Variants in PHACTR1 observed in about 807,000 individuals in gnomAD.
PHACTR1 encodes the protein RPEL repeat containing 1.
PHACTR1 carries 16 observed loss-of-function variants against 69.2 expected under a neutral mutation model. The ratio of observed to expected loss-of-function variants is 0.23; its 90% CI spans 0.16 to 0.35. PHACTR1 has a LOEUF of 0.35. Among genes scored for constraint, PHACTR1 ranks in the 10% least tolerant of loss-of-function variants. The pLI is 1.00. For synonymous variants in PHACTR1, 312 were observed against 284.5 expected, an observed-to-expected ratio of 1.10 and a Z score of -0.97; for missense variants, 510 against 734.7, an observed-to-expected ratio of 0.69 and a Z score of 3.54.
At chr6:12,898,914 C>T (rs1294702587) in intron 4 of PHACTR1, among the ~76,000 whole-genome samples, 1 of 152,210 alleles carries the variant, frequency 6.6e-6, no homozygotes, top group Admixed American at 6.5e-5. Flanking sequence ...ACTTGCCTCG[C>T]TGTATCTCAC....
At chr6:13,002,473 C>T (rs753082748) in intron 4 of PHACTR1, among the ~76,000 whole-genome samples, 1 of 152,100 alleles carries the variant, frequency 6.6e-6, no homozygotes, top group Non-Finnish European at 1.5e-5. Flanking sequence ...CTATGATTAT[C>T]ATGTGTCTTC....
At chr6:13,118,692 T>C (rs900047828) in intron 5 of PHACTR1, among the ~76,000 whole-genome samples, 5 of 152,134 alleles carry the variant, frequency 3.3e-5, no homozygotes, top group African/African-American at 1.2e-4. Flanking sequence ...TTGTCCAGGT[T>C]GATCTCAAAC....
At chr6:12,824,870 G>T (rs1035522776) in intron 4 of PHACTR1, among the ~76,000 whole-genome samples, 2 of 152,156 alleles carry the variant, frequency 1.3e-5, no homozygotes, top group Admixed American at 6.5e-5. Flanking sequence ...TCTGAAAGGG[G>T]CTCTATCCTG....
At chr6:12,805,765 T>C (rs1231556521) in intron 4 of PHACTR1, among the ~76,000 whole-genome samples, 5 of 152,126 alleles carry the variant, frequency 3.3e-5, no homozygotes, top group Non-Finnish European at 7.4e-5. Flanking sequence ...CACTCCTAAC[T>C]AATTTTTGTA....
At chr6:13,227,744 A>T in intron 8 of PHACTR1, 72 bp from the exon 9 acceptor site, 3 of 1,548,164 alleles carry the variant, frequency 1.9e-6, no homozygotes, top group Non-Finnish European at 2.6e-6. Context: ...CTGAGTTTTA[A>T]AATGGTTTTG....
At chr6:13,073,020 G>A (rs573600264) in intron 5 of PHACTR1, among the ~76,000 whole-genome samples, 15 of 152,130 alleles carry the variant, frequency 9.9e-5, no homozygotes, top group African/African-American at 2.2e-4. Context: ...GACTGATTTC[G>A]TCTTTTGTAG....
chr6:12,803,444 G>A (rs1314423079), intron 4 of PHACTR1, among the ~76,000 whole-genome samples: 2 of 152,000 alleles, frequency 1.3e-5, no homozygotes, highest in Admixed American at 1.3e-4. Flanking sequence ...CAGCAGATTG[G>A]GCCTCCCGAA....
chr6:12,996,414 G>A (rs1014240324), intron 4 of PHACTR1, among the ~76,000 whole-genome samples: 3 of 152,054 alleles, frequency 2.0e-5, no homozygotes, highest in Non-Finnish European at 4.4e-5. Context: ...AATAACTGAA[G>A]GAAATATTAT....
chr6:13,204,687 ACACTTGAGTGGGCC>A (rs1765658630), intron 7 of PHACTR1, among the ~76,000 whole-genome samples: 1 of 152,114 alleles, frequency 6.6e-6, no homozygotes, highest in African/African-American at 2.4e-5. Context: ...TCAGTAGCCC[ACACTTGAGTGGGCC>A]CACCAGTCCA....
Position 13,266,295 on chromosome 6 carries a change from A to G in PHACTR1, c.1392-6565A>G, listed in dbSNP as rs1776693219. On this transcript the variant is annotated intron_variant, in intron 10 of 14. Transcript: ENST00000332995. Reference sequence around the variant, plus strand: ...CCACCATTTCTTACCAGGTGTGCCAAGCCTCCCAAAGCCTCTGCTCGGGTT... The same window carrying G: ...CCACCATTTCTTACCAGGTGTGCCAGGCCTCCCAAAGCCTCTGCTCGGGTT... 2.0e-5 allele frequency among the ~76,000 whole-genome samples: 3 copies of G among 152,220 alleles called. No individual in the cohort carries two copies. The South Asian group carries it at 6.2e-4, about 32-fold the overall frequency.
intron 5 of PHACTR1, among the ~76,000 whole-genome samples, chr6:13,114,690 G>A (rs1462824789): frequency 1.3e-5 from 2 of 152,130 alleles, no homozygotes; most frequent in East Asian, 3.9e-4. Context: ...GTCACTACTT[G>A]TAGGGGATGT....
chr6:12,942,753 G>A (rs943596289), intron 4 of PHACTR1, among the ~76,000 whole-genome samples: 1 of 152,184 alleles, frequency 6.6e-6, no homozygotes, highest in Non-Finnish European at 1.5e-5. Flanking sequence ...GTTTGACAAT[G>A]CAGTTCCACT....
intron 4 of PHACTR1, among the ~76,000 whole-genome samples, chr6:12,839,351 G>A (rs1317008949): frequency 1.3e-5 from 2 of 152,176 alleles, no homozygotes; most frequent in Non-Finnish European, 2.9e-5. Context: ...TGCCACCCAG[G>A]CATCAAGCAA....
intron 4 of PHACTR1, among the ~76,000 whole-genome samples, chr6:12,850,152 C>G (rs1779683097): frequency 6.6e-6 from 1 of 152,162 alleles, no homozygotes; most frequent in Non-Finnish European, 1.5e-5. Context: ...CAAATTTTAC[C>G]TCTTTATCTC....
rs538237030 is a variant in PHACTR1, at chr6:12,749,985, C to A, written c.250+195C>A. ...GGGTGGGGGAGGGCGGCGCGTGCAG[C>A]CCCACATCCGCCCGAGTCCCACGCG... is the stretch of plus-strand genomic sequence containing the variant. On this transcript the variant is annotated intron_variant, in intron 4 of 14. Coordinates refer to ENST00000332995, the MANE Select transcript of PHACTR1 (RefSeq NM_030948.6). Among the ~76,000 whole-genome samples, 6 of 152,276 alleles carry A rather than the reference C, an allele frequency of 3.9e-5. No individual in the cohort carries two copies. The East Asian group carries it at 1.2e-3, about 30-fold the overall frequency.
intron 6 of PHACTR1, among the ~76,000 whole-genome samples, chr6:13,175,917 C>T (rs1259921227): frequency 6.6e-6 from 1 of 152,058 alleles, no homozygotes; most frequent in Non-Finnish European, 1.5e-5. Context: ...AATCAGCCCA[C>T]CAACTGGGAA....
intron 6 of PHACTR1, 112 bp from the exon 7 acceptor site, chr6:13,182,407 A>G (rs182474658): frequency 2.1e-4 from 254 of 1,227,988 alleles, no homozygotes; most frequent in South Asian, 1.5e-3. Context: ...TGTTGGTTTC[A>G]GAGGCTGACC....
chr6:13,071,273 A>G (rs1430589745), intron 5 of PHACTR1, among the ~76,000 whole-genome samples: 2 of 151,998 alleles, frequency 1.3e-5, no homozygotes, highest in African/African-American at 4.8e-5. Context: ...CTAAAAATGC[A>G]AAAAATTAGC....
intron 5 of PHACTR1, among the ~76,000 whole-genome samples, chr6:13,145,397 T>G (rs2113385850): frequency 6.6e-6 from 1 of 152,378 alleles, no homozygotes; most frequent in South Asian, 2.1e-4. Context: ...GATTGAGTTT[T>G]ATGTTTAAGG....
Sources: allele counts gnomAD v4.1 joint callset (sites outside exome capture counted in the v4.1 genomes callset), GRCh38; gene constraint gnomAD v4.1.1; transcripts MANE v1.5; gene names NCBI Gene and HGNC (gene_info 2026-07-23, HGNC 2026-07-21).